Variants in CROCC2 observed in about 807,000 individuals in gnomAD.
CROCC2 encodes ciliary rootlet coiled-coil protein 2.
Under a neutral mutation model 177.6 loss-of-function variants are expected in CROCC2, and 163 were observed. That is an observed-to-expected ratio of 0.92 (90% CI 0.81 to 1.05). The LOEUF is 1.05. Ranked by LOEUF, CROCC2 falls within the 50% of genes least tolerant of loss-of-function variation. CROCC2 has a pLI of 0.00. For missense variants in CROCC2, 1,929 were observed against 1,797.8 expected (o/e 1.07, Z -1.32); for synonymous variants, 904 against 787.3 (o/e 1.15, Z -2.48).
Position 240,935,319 on chromosome 2 carries a change from G to T in CROCC2, c.1939-39G>T, listed in dbSNP as rs766646977. Reference sequence around the variant, plus strand: ...TGGCTGGCCTACAGGGACCGAGGATGGGGGGAGTGGATGCAGAGCCCCCGA... The same window carrying T: ...TGGCTGGCCTACAGGGACCGAGGATTGGGGGAGTGGATGCAGAGCCCCCGA... On this transcript the variant is annotated intron_variant, in intron 13 of 31. Coordinates refer to ENST00000690015, the MANE Select transcript of CROCC2 (RefSeq NM_001351305.2). 1.1e-5 allele frequency: 15 copies of T among 1,329,354 alleles called. 1 individual carries two copies. Among genetic ancestry groups the T allele is most frequent in the Middle Eastern group, 4.5e-4 (2 of 4,414 alleles). The allele number at this position is 1,329,354 out of a possible 1,614,324, so 82.3% of individuals were successfully genotyped here.
chr2:240,986,112 C>A, intron 28 of CROCC2: 1 of 371,838 alleles, frequency 2.7e-6, no homozygotes, highest in Non-Finnish European at 5.5e-6. Context: ...GACTCCAGGG[C>A]ACCATCAGTG....
At position 240,922,576 on chromosome 2, in the gene CROCC2, G is replaced by C. The variant is rs763433277; in HGVS notation, c.419G>C (p.Arg140Pro). The C allele has an allele frequency of 2.9e-6, 2 of 695,372 alleles. No homozygotes were observed. Among genetic ancestry groups the C allele is most frequent in the African/African-American group, 1.8e-5 (1 of 56,450 alleles). 43.1% of individuals were successfully genotyped at this position (695,372 alleles called of 1,614,324 possible). Residue 140 changes from arginine (R) to proline (P), a missense_variant, in exon 4 of 32, where the codon CGG becomes CCG. Physicochemically the swap from Arg to Pro is moderately radical, Grantham distance 103 (BLOSUM62 -2). Transcript: ENST00000690015. The stretch of plus-strand genomic sequence containing the variant: ...CTGGAGACCACCGAGGCTCAGCTGC[G>C]GAGGTCAGAGCTGGAGCACAGCGTG... ...ARLETTEAQLRRSELEHSVDL... is the reference protein window; with the variant it reads ...ARLETTEAQLPRSELEHSVDL...
Position 240,935,016 on chromosome 2 carries a change from AG to A in CROCC2, c.1896del (p.Leu633TrpfsTer8). ...CTGGCCGCAATGGCCGCCTTGATGG[AG>A]GGGTTGGCTCAGGACAAAAGTGCCC... ...DSLAAMAALM[E>X]GLAQDKSALN... is the part of the protein sequence containing the mutation. On this transcript the variant is annotated frameshift_variant, in exon 13 of 32. Coordinates refer to ENST00000690015, the MANE Select transcript of CROCC2 (RefSeq NM_001351305.2). LOFTEE classifies it high-confidence loss of function. The A allele has an allele frequency of 7.0e-7, 1 of 1,434,384 alleles. No homozygotes were observed. Among genetic ancestry groups the A allele is most frequent in the Non-Finnish European group, 9.2e-7 (1 of 1,091,370 alleles). The allele number at this position is 1,434,384 out of a possible 1,614,324, so 88.9% of individuals were successfully genotyped here.
chr2:240,931,804 A>C (rs2059433134), intron 7 of CROCC2, among the ~76,000 whole-genome samples: 1 of 152,028 alleles, frequency 6.6e-6, no homozygotes, highest in African/African-American at 2.4e-5. Flanking sequence ...ACACACCACA[A>C]CCCAGCCCCA....
chr2:240,984,557 C>T (rs2059823302), intron 28 of CROCC2, among the ~76,000 whole-genome samples: 1 of 117,198 alleles, frequency 8.5e-6, no homozygotes, highest in Non-Finnish European at 1.8e-5. Flanking sequence ...TCACTCCACA[C>T]ACACCCAGGC....
At chr2:240,935,937 C>T (rs529480020) in intron 14 of CROCC2, among the ~76,000 whole-genome samples, 5 of 152,342 alleles carry the variant, frequency 3.3e-5, no homozygotes, top group African/African-American at 4.8e-5. Context: ...CTGAACTCTG[C>T]GACTGCACAT....
chr2:240,989,778 C>G lies in CROCC2; in HGVS notation c.4808C>G (p.Ala1603Gly). ...GGGGCCCGGCCGCAGGCCACGCAGG[C>G]CCTGGAGTCCCAAGAATGGACCCAC... ...LHGARPQATQALESQEWTHQQ... is the reference protein window; with the variant it reads ...LHGARPQATQGLESQEWTHQQ... The change falls in exon 30 of 32, where the codon GCC (alanine) becomes GGC (glycine). Residue 1603 changes from alanine to glycine, a missense_variant. Physicochemically the swap from Ala to Gly is moderately conservative, Grantham distance 60. Around this residue, in one of 3 missense-constraint regions of CROCC2, gnomAD observed 388 missense variants for 352.7 expected, o/e 1.10. Coordinates refer to ENST00000690015, the MANE Select transcript of CROCC2 (RefSeq NM_001351305.2). 6.5e-7 allele frequency: 1 copy of G among 1,549,946 alleles called. No individual in the cohort carries two copies. The highest frequency in any genetic ancestry group is 8.7e-7 in the Non-Finnish European group (1 of 1,146,618).
Position 240,965,258 on chromosome 2 carries a change from A to T in CROCC2, c.3466-123A>T, listed in dbSNP as rs537951716. ...AAGGTCCTTTGGGGCACCTTAGCCC[A>T]AGCCTCCCTAAGTGTGGCCAGCTGC... On this transcript the variant is annotated intron_variant, in intron 22 of 31. Transcript: ENST00000690015. The T allele has an allele frequency of 6.4e-6, 9 of 1,410,496 alleles. No individual in the cohort carries two copies. The South Asian group carries it at 1.3e-4, about 20-fold the overall frequency. 87.4% of individuals were successfully genotyped at this position (1,410,496 alleles called of 1,614,324 possible). A position where few individuals can be genotyped will look rare whatever the true frequency, so the allele number is the denominator to read the frequency against.
chr2:240,949,754 G>A lies in CROCC2; in HGVS notation c.2652+52G>A, dbSNP rs12479396. The A allele has an allele frequency of 0.61, 909,621 of 1,492,848 alleles. 280,283 individuals are homozygous for A. The highest frequency in any genetic ancestry group is 0.63 in the Non-Finnish European group (706,781 of 1,113,428). The allele number at this position is 1,492,848 out of a possible 1,614,324, so 92.5% of individuals were successfully genotyped here. A position where few individuals can be genotyped will look rare whatever the true frequency, so the allele number is the denominator to read the frequency against. Reference sequence around the variant, plus strand: ...GCTTCCTAGAAGGCTACCAGGTCCCGGGGAATGGCAGGCCCTTGGGAGGAG... The same window carrying A: ...GCTTCCTAGAAGGCTACCAGGTCCCAGGGAATGGCAGGCCCTTGGGAGGAG... On this transcript the variant is annotated intron_variant, in intron 17 of 31. Transcript: ENST00000690015. The surrounding 1 kb of genome is among the most constrained non-coding windows in gnomAD (Gnocchi z 4.5).
At chr2:240,919,901 GT>G in intron 2 of CROCC2, 81 bp from the exon 3 acceptor site, 1 of 636,112 alleles carries the variant, frequency 1.6e-6, no homozygotes, top group Non-Finnish European at 2.9e-6. Flanking sequence ...CCAGCCCAGG[GT>G]CCCACCGTGG....
At chr2:240,952,939 T>C (rs1047302816) in intron 18 of CROCC2, among the ~76,000 whole-genome samples, 3 of 152,060 alleles carry the variant, frequency 2.0e-5, no homozygotes, top group Non-Finnish European at 4.4e-5. Flanking sequence ...ATTGGATATA[T>C]GAGAAAAGAG....
chr2:240,971,637 C>T (rs2059721628), intron 27 of CROCC2, among the ~76,000 whole-genome samples: 1 of 152,216 alleles, frequency 6.6e-6, no homozygotes, highest in Non-Finnish European at 1.5e-5. Context: ...TTATTTTTAC[C>T]TACCCCGGCA....
Position 240,961,509 on chromosome 2 carries a change from C to T in CROCC2, c.3088-2047C>T, listed in dbSNP as rs556093310. Among the ~76,000 whole-genome samples, 7 of 151,732 alleles carry T rather than the reference C, an allele frequency of 4.6e-5. No individual in the cohort carries two copies. In the East Asian group the frequency reaches 1.2e-3, roughly 25 times the overall value. ...ACACATACATGCACACACGTATGCA[C>T]ACCACATACAGAGTGGACACCTGCA... On this transcript the variant is annotated intron_variant, in intron 20 of 31. Coordinates refer to ENST00000690015, the MANE Select transcript of CROCC2 (RefSeq NM_001351305.2).
chr2:240,913,873 C>T (rs1043057309), intron 1 of CROCC2, among the ~76,000 whole-genome samples: 7 of 152,352 alleles, frequency 4.6e-5, no homozygotes, highest in East Asian at 1.9e-4. Context: ...GGCCGGGCTG[C>T]GGAAGGACGG....
At chr2:240,956,175 G>A (rs2059588940) in intron 19 of CROCC2, among the ~76,000 whole-genome samples, 1 of 152,254 alleles carries the variant, frequency 6.6e-6, no homozygotes, top group Non-Finnish European at 1.5e-5. Context: ...CCAAAGCAGT[G>A]GGTACCAGGA....
intron 1 of CROCC2, among the ~76,000 whole-genome samples, chr2:240,916,838 C>A (rs1353135413): frequency 6.6e-6 from 1 of 152,152 alleles, no homozygotes; most frequent in Non-Finnish European, 1.5e-5. Context: ...GGTCTCTGAT[C>A]AAGGAGCCTG....
chr2:240,966,768 T>TGGGGAG (rs2059687169), intron 25 of CROCC2, among the ~76,000 whole-genome samples: 1 of 152,074 alleles, frequency 6.6e-6, no homozygotes, highest in Non-Finnish European at 1.5e-5. Flanking sequence ...CAAAGACCCC[T>TGGGGAG]CCGGTGGGGC....
chr2:240,945,951 C>T, intron 14 of CROCC2, 109 bp from the exon 15 acceptor site: 1 of 828,274 alleles, frequency 1.2e-6, no homozygotes, highest in Non-Finnish European at 1.8e-6. Flanking sequence ...CCATGCCATT[C>T]TGCATAAAAT....
chr2:240,952,708 G>T (rs2059564579), intron 18 of CROCC2, among the ~76,000 whole-genome samples: 1 of 152,244 alleles, frequency 6.6e-6, no homozygotes, highest in South Asian at 2.1e-4. Context: ...AGAGAGGTGT[G>T]CAGTGGAGCT....
Sources: gnomAD v4.1 joint callset for allele counts (sites outside exome capture counted in the v4.1 genomes callset) on GRCh38, gnomAD v4.1.1 for gene constraint, gnomAD v4.1.1 regional missense constraint, Gnocchi (gnomAD v3.1) non-coding constraint, MANE v1.5 for transcripts, NCBI Gene and HGNC (gene_info 2026-07-23, HGNC 2026-07-21) for gene names.